Variants in MAPKAPK2 observed in about 807,000 individuals in gnomAD.
MAPKAPK2 encodes MAP kinase-activated protein kinase 2.
MAPKAPK2 carries 9 observed loss-of-function variants against 48.8 expected under a neutral mutation model. The ratio of observed to expected loss-of-function variants is 0.18; its 90% confidence interval spans 0.11 to 0.32. The LOEUF (loss-of-function observed/expected upper bound fraction) is 0.32. Ranked by LOEUF, MAPKAPK2 falls within the 10% of genes least tolerant of loss-of-function variation. The pLI is 1.00. For synonymous variants in MAPKAPK2, 202 were observed against 190.6 expected (o/e 1.06, Z -0.49); for missense variants, 331 against 498.3 (o/e 0.66, Z 3.20).
At chr1:206,713,061 T>C (rs992473941) in intron 1 of MAPKAPK2, among the ~76,000 whole-genome samples, 2 of 151,752 alleles carry the variant, frequency 1.3e-5, no homozygotes, top group African/African-American at 4.8e-5. Context: ...TAGATACTTA[T>C]TGAACACCTC....
intron 1 of MAPKAPK2, among the ~76,000 whole-genome samples, chr1:206,714,283 T>C (rs1673250346): frequency 6.6e-6 from 1 of 152,210 alleles, no homozygotes; most frequent in Admixed American, 6.5e-5. Flanking sequence ...TCCAGACCCC[T>C]TGCGTCTGGC....
chr1:206,716,000 GT>G (rs79596770), intron 1 of MAPKAPK2, among the ~76,000 whole-genome samples: 112 of 140,746 alleles, frequency 8.0e-4, no homozygotes, highest in East Asian at 1.2e-3. Context: ...TTTTGTCTCA[GT>G]TTTTTTTTTT....
intron 1 of MAPKAPK2, among the ~76,000 whole-genome samples, chr1:206,722,273 T>C (rs1449866486): frequency 5.9e-5 from 9 of 151,902 alleles, no homozygotes; most frequent in Admixed American, 5.9e-4. Flanking sequence ...GGCAGGAGAA[T>C]GGCGTGAACC....
chr1:206,705,692 C>T (rs1356186403), intron 1 of MAPKAPK2, among the ~76,000 whole-genome samples: 1 of 152,192 alleles, frequency 6.6e-6, no homozygotes, highest in African/African-American at 2.4e-5. Flanking sequence ...GATTAGCTCT[C>T]CGTTACCCAG....
intron 1 of MAPKAPK2, among the ~76,000 whole-genome samples, chr1:206,699,395 T>G (rs1306813004): frequency 1.3e-5 from 2 of 152,112 alleles, no homozygotes; most frequent in African/African-American, 2.4e-5. Context: ...CATATACCTG[T>G]GACACAGCCA....
intron 4 of MAPKAPK2, 139 bp downstream of exon 4, chr1:206,729,614 C>A: frequency 1.3e-6 from 1 of 772,920 alleles, no homozygotes; most frequent in Non-Finnish European, 2.2e-6. Flanking sequence ...CCTTGTAGGG[C>A]CTTGCCCTCT....
intron 1 of MAPKAPK2, among the ~76,000 whole-genome samples, chr1:206,714,582 G>A (rs1179997300): frequency 2.0e-5 from 3 of 151,478 alleles, no homozygotes; most frequent in Non-Finnish European, 4.4e-5. Context: ...TGGCCAGCAT[G>A]GTGAAACCCT....
At chr1:206,702,536 T>A (rs1333297730) in intron 1 of MAPKAPK2, among the ~76,000 whole-genome samples, 2 of 152,280 alleles carry the variant, frequency 1.3e-5, no homozygotes, top group African/African-American at 4.8e-5. Context: ...TCTGCCTCTC[T>A]GCATCCTGCT....
intron 1 of MAPKAPK2, among the ~76,000 whole-genome samples, chr1:206,691,873 A>G (rs545809157): frequency 8.5e-4 from 129 of 152,320 alleles, no homozygotes; most frequent in African/African-American, 3.0e-3. Flanking sequence ...TGTCCAGTTA[A>G]TGAATAATCA....
intron 1 of MAPKAPK2, among the ~76,000 whole-genome samples, chr1:206,699,952 GTTTC>G: frequency 8.1e-6 from 1 of 123,482 alleles, no homozygotes; most frequent in Middle Eastern, 4.0e-3. Flanking sequence ...CTTTCTTTTC[GTTTC>G]TTTCTCTCTC....
chr1:206,694,892 G>A (rs1378833270), intron 1 of MAPKAPK2, among the ~76,000 whole-genome samples: 2 of 152,240 alleles, frequency 1.3e-5, no homozygotes, highest in Admixed American at 1.3e-4. Flanking sequence ...GGGAGAAAAT[G>A]AGCATATGTA....
intron 1 of MAPKAPK2, among the ~76,000 whole-genome samples, chr1:206,727,657 G>A (rs553432780): frequency 1.3e-5 from 2 of 152,064 alleles, no homozygotes; most frequent in East Asian, 3.9e-4. Context: ...GTCTCGCTCT[G>A]TTGCCCAGGC....
intron 1 of MAPKAPK2, among the ~76,000 whole-genome samples, chr1:206,687,049 A>G (rs1672307078): frequency 1.3e-5 from 2 of 152,192 alleles, no homozygotes; most frequent in Non-Finnish European, 2.9e-5. Flanking sequence ...GGGTGAATAC[A>G]GTTTGACCAC....
intron 1 of MAPKAPK2, among the ~76,000 whole-genome samples, chr1:206,691,504 T>TATATATATATATATATATAA (rs1424297313): frequency 8.9e-6 from 1 of 112,150 alleles, no homozygotes; most frequent in Non-Finnish European, 2.0e-5. Context: ...TATATATATA[T>TATATATATATATATATATAA]ACACACATAC....
chr1:206,685,222 C>T lies in MAPKAPK2; in HGVS notation c.-8C>T, dbSNP rs1378882094. The T allele has an allele frequency of 2.1e-5, 9 of 421,602 alleles. No individual in the cohort carries two copies. Among genetic ancestry groups the T allele is most frequent in the South Asian group, 5.7e-5 (1 of 17,450 alleles). 26.1% of individuals were successfully genotyped at this position (421,602 alleles called of 1,614,324 possible). A position where few individuals can be genotyped will look rare whatever the true frequency, so the allele number is the denominator to read the frequency against. ...ACCCCCGCCTGTGCCCCGGCGTCCC[C>T]GGGCACCATGCTGTCCAACTCCCAG... On this transcript the variant is annotated 5_prime_UTR_variant, in exon 1 of 10. Transcript: ENST00000367103.
rs1303187531 is a variant in MAPKAPK2, at chr1:206,719,090, A to G, written c.280-9620A>G. 4.6e-5 allele frequency among the ~76,000 whole-genome samples: 7 copies of G among 152,114 alleles called. No homozygotes were observed. The South Asian group carries it at 1.4e-3, about 32-fold the overall frequency. On this transcript the variant is annotated intron_variant, in intron 1 of 9. Coordinates refer to ENST00000367103, the MANE Select transcript of MAPKAPK2 (RefSeq NM_032960.4). ...GCCATCTGTGTTTCTCTTGCTTTGA[A>G]CTGCCTGTTCTTATCGTTTGGCCAT...
At chr1:206,702,795 G>A (rs1160549643) in intron 1 of MAPKAPK2, among the ~76,000 whole-genome samples, 3 of 152,198 alleles carry the variant, frequency 2.0e-5, no homozygotes, top group Non-Finnish European at 2.9e-5. Flanking sequence ...TTCCCGCTCT[G>A]CCTTGCATTT....
intron 1 of MAPKAPK2, among the ~76,000 whole-genome samples, chr1:206,705,112 C>A (rs1327006512): frequency 1.3e-5 from 2 of 152,206 alleles, no homozygotes; most frequent in Non-Finnish European, 1.5e-5. Flanking sequence ...ATGGCAACAG[C>A]CCCCCTTCTC....
intron 1 of MAPKAPK2, among the ~76,000 whole-genome samples, chr1:206,697,161 G>A (rs1672655527): frequency 6.6e-6 from 1 of 152,150 alleles, no homozygotes; most frequent in Non-Finnish European, 1.5e-5. Flanking sequence ...TTGCCCTTTG[G>A]AGAACTTTAA....
Sources: allele counts gnomAD v4.1 joint callset (sites outside exome capture counted in the v4.1 genomes callset), GRCh38; gene constraint gnomAD v4.1.1; transcripts MANE v1.5; gene names NCBI Gene and HGNC (gene_info 2026-07-23, HGNC 2026-07-21).